DOK6: variants seen among roughly 807,000 people sequenced by gnomAD.
DOK6 encodes docking protein 6.
Under a neutral mutation model 44.0 loss-of-function variants are expected in DOK6, and 22 were observed. The observed-to-expected ratio is 0.50, with a 90% CI of 0.36 to 0.71. DOK6 has a LOEUF of 0.71. DOK6 is among the 30% of genes least tolerant of loss of function. DOK6 has a pLI of 0.00. For missense variants in DOK6, 340 were observed against 416.4 expected, an observed-to-expected ratio of 0.82 and a Z score of 1.60; for synonymous variants, 166 against 145.5, an observed-to-expected ratio of 1.14 and a Z score of -1.01.
At chr18:69,744,190 A>G (rs1442856359) in intron 6 of DOK6, among the ~76,000 whole-genome samples, 1 of 151,976 alleles carries the variant, frequency 6.6e-6, no homozygotes, top group Non-Finnish European at 1.5e-5. Context: ...GGTGCCTGTA[A>G]TCCCAGCTAC....
chr18:69,774,973 C>T (rs767556678), intron 7 of DOK6, among the ~76,000 whole-genome samples: 4 of 151,614 alleles, frequency 2.6e-5, no homozygotes, highest in Non-Finnish European at 5.9e-5. Flanking sequence ...AGAGATAAGA[C>T]AGATAACCCA....
chr18:69,658,824 T>C (rs1420682477), intron 3 of DOK6, among the ~76,000 whole-genome samples: 1 of 152,212 alleles, frequency 6.6e-6, no homozygotes, highest in African/African-American at 2.4e-5. Context: ...GGTTTTCCAA[T>C]AATTCATTCC....
intron 7 of DOK6, among the ~76,000 whole-genome samples, chr18:69,783,953 G>A (rs190533150): frequency 6.6e-4 from 100 of 152,238 alleles, no homozygotes; most frequent in African/African-American, 2.3e-3. Context: ...CAGCACTTTG[G>A]GAGGCAGAGG....
chr18:69,518,837 A>G (rs1303600952), intron 1 of DOK6, among the ~76,000 whole-genome samples: 1 of 152,134 alleles, frequency 6.6e-6, no homozygotes, highest in Non-Finnish European at 1.5e-5. Flanking sequence ...TCTTTAAATT[A>G]TGTATTGACG....
At chr18:69,564,964 C>T (rs1982933700) in intron 2 of DOK6, among the ~76,000 whole-genome samples, 1 of 152,124 alleles carries the variant, frequency 6.6e-6, no homozygotes, top group Admixed American at 6.6e-5. Context: ...CTGCCTTTAA[C>T]AGTGCTAATG....
chr18:69,616,341 G>A lies in DOK6; in HGVS notation c.289+16843G>A, dbSNP rs531210469. ...TCACCTCCACCATGCCATGCTCATT[G>A]CTGGGCTGCCCAGGCCTGGCCTTCC... On this transcript the variant is annotated intron_variant, in intron 3 of 7. Coordinates refer to ENST00000382713, the MANE Select transcript of DOK6 (RefSeq NM_152721.6). Among the ~76,000 whole-genome samples, 9 of 152,178 alleles carry A rather than the reference G, an allele frequency of 5.9e-5. No individual in the cohort carries two copies. In the South Asian group the frequency reaches 1.5e-3, roughly 25 times the overall value.
intron 7 of DOK6, among the ~76,000 whole-genome samples, chr18:69,807,541 A>G (rs550234736): frequency 2.0e-5 from 3 of 152,084 alleles, no homozygotes; most frequent in East Asian, 3.9e-4. Flanking sequence ...TATGCTGCTT[A>G]TAAGAGACTC....
chr18:69,582,754 A>G (rs1440083683), intron 2 of DOK6, among the ~76,000 whole-genome samples: 1 of 152,114 alleles, frequency 6.6e-6, no homozygotes, highest in East Asian at 1.9e-4. Context: ...CATTTGTACT[A>G]TTGATTTCTT....
intron 1 of DOK6, among the ~76,000 whole-genome samples, chr18:69,408,395 T>A (rs1305114361): frequency 6.6e-6 from 1 of 151,636 alleles, no homozygotes; most frequent in East Asian, 1.9e-4. Context: ...TGACACAATT[T>A]CATTTTCATT....
chr18:69,404,470 G>T (rs1389763107), intron 1 of DOK6, among the ~76,000 whole-genome samples: 4 of 152,178 alleles, frequency 2.6e-5, no homozygotes, highest in Non-Finnish European at 4.4e-5. Context: ...AACACTTTGT[G>T]TATTGACCCT....
chr18:69,714,748 G>A (rs1166721270), intron 5 of DOK6, among the ~76,000 whole-genome samples: 1 of 152,156 alleles, frequency 6.6e-6, no homozygotes, highest in Non-Finnish European at 1.5e-5. Flanking sequence ...AATTCACCTT[G>A]ATCATTAAAT....
chr18:69,534,033 A>G (rs1424442675), intron 1 of DOK6, among the ~76,000 whole-genome samples: 2 of 152,174 alleles, frequency 1.3e-5, no homozygotes, highest in Non-Finnish European at 2.9e-5. Flanking sequence ...ATTTTGTCTC[A>G]GGCACTGGCA....
chr18:69,446,325 C>A (rs1313301532), intron 1 of DOK6, among the ~76,000 whole-genome samples: 1 of 150,906 alleles, frequency 6.6e-6, no homozygotes, highest in Non-Finnish European at 1.5e-5. Flanking sequence ...TTTGTCCTTG[C>A]GATAGTTTGC....
intron 4 of DOK6, among the ~76,000 whole-genome samples, chr18:69,681,984 T>C (rs1395515998): frequency 1.3e-5 from 2 of 152,168 alleles, no homozygotes; most frequent in Admixed American, 6.5e-5. Flanking sequence ...GACTGAAGGG[T>C]TTGCCTTTCT....
At chr18:69,790,369 C>T (rs985470310) in intron 7 of DOK6, among the ~76,000 whole-genome samples, 5 of 152,046 alleles carry the variant, frequency 3.3e-5, no homozygotes, top group African/African-American at 1.2e-4. Context: ...CACCATGGCA[C>T]GTGTATACCT....
Position 69,601,387 on chromosome 18 carries a change from T to C in DOK6, c.289+1889T>C, listed in dbSNP as rs531503969. On this transcript the variant is annotated intron_variant, in intron 3 of 7. Coordinates refer to ENST00000382713, the MANE Select transcript of DOK6 (RefSeq NM_152721.6). ...TTCTTAGTTTATAAATGTCAGTCTC[T>C]ATAATATATCGATATTGATCTATTA... is the stretch of plus-strand genomic sequence containing the variant. Among the ~76,000 whole-genome samples the C allele has an allele frequency of 1.4e-3, 214 of 152,362 alleles. 1 individual carries two copies. The Middle Eastern group carries it at 0.034, about 24-fold the overall frequency.
intron 7 of DOK6, among the ~76,000 whole-genome samples, chr18:69,793,702 C>T (rs1980663326): frequency 1.3e-5 from 2 of 152,006 alleles, no homozygotes; most frequent in Non-Finnish European, 2.9e-5. Context: ...AATTTAAACC[C>T]AAGTTTTCAG....
At chr18:69,760,302 C>T (rs955895870) in intron 7 of DOK6, among the ~76,000 whole-genome samples, 1 of 152,094 alleles carries the variant, frequency 6.6e-6, no homozygotes, top group East Asian at 1.9e-4. Flanking sequence ...CACCCTTCCA[C>T]GAACACGTAC....
chr18:69,705,455 G>A (rs1986612932), intron 5 of DOK6, among the ~76,000 whole-genome samples: 1 of 152,094 alleles, frequency 6.6e-6, no homozygotes, highest in African/African-American at 2.4e-5. Flanking sequence ...TGATTTGAAA[G>A]GTGCCTTGAC....
Sources: allele counts gnomAD v4.1 joint callset (sites outside exome capture counted in the v4.1 genomes callset), GRCh38; gene constraint gnomAD v4.1.1; transcripts MANE v1.5; gene names NCBI Gene and HGNC (gene_info 2026-07-23, HGNC 2026-07-21).